The following DNAH10 variants were observed in gnomAD, a reference collection of about 807,000 sequenced individuals.
DNAH10 encodes the protein axonemal beta dynein heavy chain 10.
DNAH10 carries 348 observed loss-of-function variants against 506.6 expected under a neutral mutation model. That is an observed-to-expected ratio of 0.69 (90% CI 0.63 to 0.75). DNAH10 has a LOEUF of 0.75. DNAH10 is among the 30% of genes least tolerant of loss of function. The pLI is 0.00. For missense variants in DNAH10, 5,179 were observed against 5,787.1 expected, an observed-to-expected ratio of 0.89 and a Z score of 3.41; for synonymous variants, 2,059 against 2,198.6, an observed-to-expected ratio of 0.94 and a Z score of 1.78.
intron 51 of DNAH10, among the ~76,000 whole-genome samples, chr12:123,882,563 C>A (rs955643113): frequency 5.9e-5 from 9 of 151,942 alleles, no homozygotes. Flanking sequence ...GAGGCCAAGG[C>A]GGGTGGATCA....
In DNAH10 at chr12:123,871,447, T is replaced by G; in HGVS notation, c.7640-10T>G. 1 of 1,585,758 alleles carries G rather than the reference T, an allele frequency of 6.3e-7. No individual in the cohort carries two copies. The highest frequency in any genetic ancestry group is 8.6e-7 in the Non-Finnish European group (1 of 1,164,580). Reference sequence around the variant, plus strand: ...TGCTGAGATGCCCCTGTTCCTAATGTCTACTTTAGTTCACACAGTGGATAC... The same window carrying G: ...TGCTGAGATGCCCCTGTTCCTAATGGCTACTTTAGTTCACACAGTGGATAC... On this transcript the variant is annotated splice_polypyrimidine_tract_variant and intron_variant, in intron 44 of 78. Coordinates refer to ENST00000673944, the MANE Select transcript of DNAH10 (RefSeq NM_001372106.1).
chr12:123,876,073 T>C (rs1377263491), intron 47 of DNAH10, among the ~76,000 whole-genome samples: 1 of 152,216 alleles, frequency 6.6e-6, no homozygotes, highest in Non-Finnish European at 1.5e-5. Context: ...TAAACAACCA[T>C]CTTCTGATCT....
chr12:123,899,493 G>A (rs1349863151), intron 56 of DNAH10, among the ~76,000 whole-genome samples: 1 of 152,064 alleles, frequency 6.6e-6, no homozygotes, highest in Non-Finnish European at 1.5e-5. Flanking sequence ...GTGTCATCTC[G>A]GTTCAGTTCC....
At position 123,923,654 on chromosome 12, in the gene DNAH10, C is replaced by G. The variant is rs999101059; in HGVS notation, c.11507-109C>G. 11 of 673,650 alleles carry G rather than the reference C, an allele frequency of 1.6e-5. No individual in the cohort carries two copies. In the Admixed American group the frequency reaches 2.5e-4, roughly 15 times the overall value. The allele number at this position is 673,650 out of a possible 1,614,324, so 41.7% of individuals were successfully genotyped here. On this transcript the variant is annotated intron_variant, in intron 65 of 78. Coordinates refer to ENST00000673944, the MANE Select transcript of DNAH10 (RefSeq NM_001372106.1). ...GCAAAGAGGGGTAAATGCAGCCATA[C>G]AGTTCGAGTGTTTCATTTATCTTAC...
At chr12:123,819,284 C>T in intron 23 of DNAH10, 34 bp downstream of exon 23, 1 of 1,513,934 alleles carries the variant, frequency 6.6e-7, no homozygotes, top group Non-Finnish European at 9.1e-7. Context: ...ACTGAGCGAT[C>T]TGAGTAGCAA....
chr12:123,897,570 C>G (rs1010816087), intron 54 of DNAH10, among the ~76,000 whole-genome samples, 200 bp from the exon 55 acceptor site: 1 of 151,698 alleles, frequency 6.6e-6, no homozygotes, highest in African/African-American at 2.4e-5. Flanking sequence ...CAAAATAATA[C>G]AAAAAATTAC....
Position 123,851,060 on chromosome 12 carries a change from G to T in DNAH10, c.6275G>T (p.Gly2092Val). ...TGTGAGATCATGCTCTTCTCTGAGG[G>T]CTTCCTGGAGGCCAAGGTGGGGGGC... is the stretch of plus-strand genomic sequence containing the variant. Reference protein sequence around the residue: ...QICEIMLFSEGFLEAKTLAKK... With the variant: ...QICEIMLFSEVFLEAKTLAKK... Residue 2092 changes from glycine to valine, a missense_variant, in exon 35 of 79, where the codon GGC becomes GTC. Gly to Val is a moderately radical substitution (Grantham distance 109). This residue lies in a region of DNAH10 where 4,844 missense variants were observed against 5,430.5 expected (regional missense o/e 0.89). Transcript: ENST00000673944. The T allele has an allele frequency of 6.2e-7, 1 of 1,603,000 alleles. No individual in the cohort carries two copies. Among genetic ancestry groups the T allele is most frequent in the Admixed American group, 1.7e-5 (1 of 59,440 alleles).
chr12:123,880,242 A>G (rs1395536735), intron 50 of DNAH10, among the ~76,000 whole-genome samples: 1 of 152,236 alleles, frequency 6.6e-6, no homozygotes, highest in East Asian at 1.9e-4. Flanking sequence ...TTTAACTACT[A>G]TAGATGTTCA....
Position 123,898,811 on chromosome 12 carries a change from G to A in DNAH10, c.9637G>A (p.Val3213Ile). Residue 3213 changes from valine to isoleucine, a missense_variant, in exon 56 of 79, where the codon GTA (valine) becomes ATA (isoleucine). By Grantham distance (29) the Val-to-Ile change is conservative. Coordinates refer to ENST00000673944, the MANE Select transcript of DNAH10 (RefSeq NM_001372106.1). ...GGAGGAGATCGCCGTCAACACCGCT[G>A]TAGGTGAGTGAGGGCGGGGCCAGGG... The part of the protein sequence containing the change: ...LLEEIAVNTA[V>I]AEEKKKLAEE... 1 of 1,606,020 alleles carries A rather than the reference G, an allele frequency of 6.2e-7. No homozygotes were observed. The highest frequency in any genetic ancestry group is 1.7e-5 in the Admixed American group (1 of 59,388).
intron 45 of DNAH10, 93 bp downstream of exon 45, chr12:123,871,695 T>TGC: frequency 1.4e-6 from 2 of 1,424,844 alleles, no homozygotes; most frequent in Non-Finnish European, 1.9e-6. Flanking sequence ...GATCTCACAG[T>TGC]TTCCGTGGGT....
chr12:123,904,829 T>C (rs1217819030), intron 57 of DNAH10, among the ~76,000 whole-genome samples: 1 of 152,196 alleles, frequency 6.6e-6, no homozygotes, highest in Non-Finnish European at 1.5e-5. Context: ...GTCAGAGCCA[T>C]GTAAGCATTA....
intron 41 of DNAH10, among the ~76,000 whole-genome samples, 156 bp downstream of exon 41, chr12:123,866,229 CTTTTTTTTTTTTT>C (rs71088963): frequency 6.9e-4 from 40 of 58,208 alleles, no homozygotes; most frequent in Middle Eastern, 0.011. Flanking sequence ...GGCAGACACA[CTTTTTTTTTTTTT>C]TTTTTTTTTT....
chr12:123,868,616 T>A (rs1339466165), intron 43 of DNAH10, among the ~76,000 whole-genome samples: 1 of 152,258 alleles, frequency 6.6e-6, no homozygotes, highest in East Asian at 1.9e-4. Flanking sequence ...AAAATGTGCA[T>A]CTTCAATGAA....
chr12:123,924,420 T>G lies in DNAH10; in HGVS notation c.11754T>G (p.Thr3918=). The G allele has an allele frequency of 1.2e-6, 2 of 1,612,940 alleles. No individual in the cohort carries two copies. Among genetic ancestry groups the G allele is most frequent in the Non-Finnish European group, 1.7e-6 (2 of 1,179,090 alleles). The change falls in exon 67 of 79, where the codon ACT becomes ACG. Residue 3918 remains threonine (T), a synonymous_variant. Coordinates refer to ENST00000673944, the MANE Select transcript of DNAH10 (RefSeq NM_001372106.1). ...QLPDDVENNQ[T]VWQEWYDLDS... is the part of the protein sequence containing the mutation. Reference sequence around the variant, plus strand: ...CTGATGATGTTGAGAATAATCAGACTGTCTGGCAGGAGGTGAGCCCACGTT... The same window carrying G: ...CTGATGATGTTGAGAATAATCAGACGGTCTGGCAGGAGGTGAGCCCACGTT...
intron 46 of DNAH10, among the ~76,000 whole-genome samples, chr12:123,873,937 G>C (rs940143388): frequency 6.6e-6 from 1 of 152,150 alleles, no homozygotes. Context: ...GTTTCTTAGA[G>C]GAGGGAAGCA....
At chr12:123,855,822 G>A (rs1951365344) in intron 36 of DNAH10, among the ~76,000 whole-genome samples, 1 of 150,576 alleles carries the variant, frequency 6.6e-6, no homozygotes, top group Admixed American at 6.6e-5. Context: ...CTCCTTGCAC[G>A]GCCCACCAGG....
At chr12:123,773,057 T>C in intron 4 of DNAH10, 115 bp downstream of exon 4, 1 of 710,452 alleles carries the variant, frequency 1.4e-6, no homozygotes, top group Non-Finnish European at 2.3e-6. Context: ...TGCCAAGCTC[T>C]CTTTCTTTTC....
In DNAH10 at chr12:123,774,234, G is replaced by A. The variant is rs564376262; in HGVS notation, c.591G>A (p.Val197=). 1.2e-6 allele frequency: 2 copies of A among 1,605,642 alleles called. No homozygotes were observed. The highest frequency in any genetic ancestry group is 1.7e-5 in the Admixed American group (1 of 57,490). ...TLEYGIINAN[V]LHFLKNIICQ... is the part of the protein sequence containing the mutation. Reference sequence around the variant, plus strand: ...AGTATGGAATTATAAACGCTAATGTGCTCCATTTTCTGAAGAATATTATAT... The same window carrying A: ...AGTATGGAATTATAAACGCTAATGTACTCCATTTTCTGAAGAATATTATAT... The change falls in exon 5 of 79, where the codon GTG becomes GTA. Residue 197 remains valine, a synonymous_variant. Transcript: ENST00000673944.
chr12:123,913,070 C>A lies in DNAH10; in HGVS notation c.10135-28C>A. On this transcript the variant is annotated intron_variant, in intron 59 of 78. Transcript: ENST00000673944. This position sits in a 1 kb window ranked among gnomAD's most constrained non-coding sequence, Gnocchi z 5.1. Reference sequence around the variant, plus strand: ...GCGGCCCCACCACGGTCCTTTTCCCCATCTTTTTGCAAATTGTCTTCACTT... The same window carrying A: ...GCGGCCCCACCACGGTCCTTTTCCCAATCTTTTTGCAAATTGTCTTCACTT... 1 of 1,583,972 alleles carries A rather than the reference C, an allele frequency of 6.3e-7. No homozygotes were observed. The highest frequency in any genetic ancestry group is 2.3e-5 in the East Asian group (1 of 43,764).
Sources: allele counts gnomAD v4.1 joint callset (sites outside exome capture counted in the v4.1 genomes callset), GRCh38; gene constraint gnomAD v4.1.1; regional missense constraint gnomAD v4.1.1; non-coding constraint Gnocchi (gnomAD v3.1); transcripts MANE v1.5; gene names NCBI Gene and HGNC (gene_info 2026-07-23, HGNC 2026-07-21).